Variants in SS18L1 observed in about 807,000 individuals in gnomAD.
SS18L1 encodes the protein SS18L1 subunit of BAF chromatin remodeling complex, also known as calcium-responsive transactivator.
SS18L1 carries 32 observed loss-of-function variants against 70.3 expected under a neutral mutation model. The observed-to-expected ratio is 0.46, with a 90% confidence interval of 0.34 to 0.61. SS18L1 has a LOEUF of 0.61. Ranked by LOEUF, SS18L1 falls within the 20% of genes least tolerant of loss-of-function variation. SS18L1 has a pLI of 0.01. For synonymous variants in SS18L1, 237 were observed against 229.7 expected (o/e 1.03, Z -0.29); for missense variants, 430 against 542.1 (o/e 0.79, Z 2.05).
chr20:62,179,077 T>G (rs2057669370), intron 10 of SS18L1, 105 bp from the exon 11 acceptor site: 1 of 1,258,742 alleles, frequency 7.9e-7, no homozygotes, highest in African/African-American at 1.5e-5. Context: ...CAGAGGTTGT[T>G]TGCTTGCTGT....
At chr20:62,163,769 G>A in intron 6 of SS18L1, 147 bp downstream of exon 6, 2 of 1,192,194 alleles carry the variant, frequency 1.7e-6, no homozygotes, top group South Asian at 1.6e-5. Flanking sequence ...TGTTAACATT[G>A]AGTGTGGACC....
rs6121524 is a variant in SS18L1 at position 62,168,156 on chromosome 20, G to A, written c.916+2642G>A. 2.6e-5 allele frequency among the ~76,000 whole-genome samples: 4 copies of A among 151,972 alleles called. No homozygotes were observed. The East Asian group carries it at 5.8e-4, about 22-fold the overall frequency. On this transcript the variant is annotated intron_variant, in intron 8 of 10. Coordinates refer to ENST00000331758, the MANE Select transcript of SS18L1 (RefSeq NM_198935.3). Reference sequence around the variant, plus strand: ...ACTTCCGTAGCTTGTTGTGGGTTAGGTACTCTTGCCTTCCATCATTGATGA... The same window carrying A: ...ACTTCCGTAGCTTGTTGTGGGTTAGATACTCTTGCCTTCCATCATTGATGA...
At chr20:62,155,369 C>T (rs1479196339) in intron 1 of SS18L1, among the ~76,000 whole-genome samples, 1 of 152,164 alleles carries the variant, frequency 6.6e-6, no homozygotes, top group Non-Finnish European at 1.5e-5. Context: ...GCCAAGATCA[C>T]GCCACTGCAC....
intron 7 of SS18L1, 25 bp from the exon 8 acceptor site, chr20:62,165,397 C>T: frequency 1.9e-6 from 3 of 1,601,380 alleles, no homozygotes; most frequent in Non-Finnish European, 2.6e-6. Context: ...CCTCCGCTGA[C>T]TGTCGCCGTC....
In SS18L1 at chr20:62,161,479, A is replaced by T; in HGVS notation, c.275A>T (p.Gln92Leu). 1.2e-6 allele frequency: 2 copies of T among 1,612,884 alleles called. No homozygotes were observed. Among genetic ancestry groups the T allele is most frequent in the South Asian group, 1.1e-5 (1 of 91,078 alleles). ...AACCTGGGCCCTGGAGCCCTGACTCAGAGCGGCTCCAGCCAGGGCCTGCAC... is the reference window on the plus strand; with the variant it reads ...AACCTGGGCCCTGGAGCCCTGACTCTGAGCGGCTCCAGCCAGGGCCTGCAC... ...NMNLGPGALT[Q>L]SGSSQGLHSQ... Residue 92 changes from glutamine to leucine, a missense_variant, in exon 4 of 11, where the codon CAG becomes CTG. Gln to Leu is a moderately radical substitution (Grantham distance 113, BLOSUM62 -2). Coordinates refer to ENST00000331758, the MANE Select transcript of SS18L1 (RefSeq NM_198935.3). This position sits in a 1 kb window ranked among gnomAD's most constrained non-coding sequence, Gnocchi z 4.4.
At position 62,182,123 on chromosome 20, in the gene SS18L1, G is replaced by A. The variant is rs1455302744; in HGVS notation, c.*2915G>A. The A allele has an allele frequency of 3.1e-5, 7 of 227,428 alleles. No individual in the cohort carries two copies. The highest frequency in any genetic ancestry group is 1.3e-4 in the East Asian group (2 of 15,854). The allele number at this position is 227,428 out of a possible 1,614,324, so 14.1% of individuals were successfully genotyped here. ...GATTAAGGTGGACAAGATCTCCTAAGATCTGTGAATGGGATTAAGGTGGAC... is the reference window on the plus strand; with the variant it reads ...GATTAAGGTGGACAAGATCTCCTAAAATCTGTGAATGGGATTAAGGTGGAC... On this transcript the variant is annotated 3_prime_UTR_variant, in exon 11 of 11. Coordinates refer to ENST00000331758, the MANE Select transcript of SS18L1 (RefSeq NM_198935.3).
rs112198604 is a variant in SS18L1, at chr20:62,181,233, G to C, written c.*2025G>C. ...CACTGGTAAGGGCTCAAAAATAAAC[G>C]TATGTGTTCATATTCGATCACCGAA... On this transcript the variant is annotated 3_prime_UTR_variant, in exon 11 of 11. Transcript: ENST00000331758. The C allele has an allele frequency of 1.5e-5, 3 of 203,186 alleles. No homozygotes were observed. The highest frequency in any genetic ancestry group is 6.0e-5 in the Admixed American group (1 of 16,694). 12.6% of individuals were successfully genotyped at this position (203,186 alleles called of 1,614,324 possible).
chr20:62,168,874 T>C (rs2057480240), intron 8 of SS18L1, among the ~76,000 whole-genome samples: 1 of 152,182 alleles, frequency 6.6e-6, no homozygotes. Context: ...TGGGACAGGC[T>C]GGTGCTGGAA....
At chr20:62,146,605 A>ATTCTTTTTTTTTTTTTTTTTT (rs2057031800) in intron 1 of SS18L1, among the ~76,000 whole-genome samples, 1 of 79,714 alleles carries the variant, frequency 1.3e-5, no homozygotes, top group African/African-American at 5.2e-5. Context: ...TGCTTTGATC[A>ATTCTTTTTTTTTTTTTTTTTT]TTTTTTTTTT....
At position 62,147,005 on chromosome 20, in the gene SS18L1, C is replaced by T. The variant is rs147182870; in HGVS notation, c.69+3116C>T. Among the ~76,000 whole-genome samples, 493 of 152,308 alleles carry T rather than the reference C, an allele frequency of 3.2e-3. 9 individuals are homozygous for T. Among genetic ancestry groups the T allele is most frequent in the East Asian group, 2.5e-3 (13 of 5,176 alleles). ...ATCCAGCATGACCCCGTCTTTATTT[C>T]ATTTTCAAATACCTCATTTCCAGTA... On this transcript the variant is annotated intron_variant, in intron 1 of 10. Transcript: ENST00000331758.
intron 1 of SS18L1, among the ~76,000 whole-genome samples, chr20:62,152,850 G>A (rs552668977): frequency 5.8e-4 from 89 of 152,310 alleles, no homozygotes; most frequent in Middle Eastern, 3.4e-3. Context: ...AACCTCCAGA[G>A]TGGGGGCCAC....
At position 62,164,212 on chromosome 20, in the gene SS18L1, C is replaced by T. The variant is rs200861246; in HGVS notation, c.789C>T (p.Ala263=). ...YGEQYSHSQG[A]AEPMGQQYYP... is the part of the protein sequence containing the mutation. ...AGCAGTACAGCCACAGCCAGGGCGC[C>T]GCGGAGCCCATGGGCCAGCAGTACT... The change falls in exon 7 of 11, where the codon GCC becomes GCT. Residue 263 remains alanine (A), a synonymous_variant. Coordinates refer to ENST00000331758, the MANE Select transcript of SS18L1 (RefSeq NM_198935.3). The T allele has an allele frequency of 1.8e-4, 286 of 1,549,804 alleles. 1 individual carries two copies. In the East Asian group the frequency reaches 5.7e-3, roughly 31 times the overall value.
chr20:62,172,631 C>A, intron 8 of SS18L1, 51 bp from the exon 9 acceptor site: 2 of 1,609,516 alleles, frequency 1.2e-6, no homozygotes, highest in Non-Finnish European at 1.7e-6. Context: ...CAGAATGAGC[C>A]CCCTTAGCCC....
intron 7 of SS18L1, among the ~76,000 whole-genome samples, chr20:62,165,115 C>T (rs1231328302): frequency 1.3e-5 from 2 of 152,186 alleles, no homozygotes; most frequent in South Asian, 2.1e-4. Flanking sequence ...CAGGAGCTAG[C>T]GGTGGCGGGG....
intron 1 of SS18L1, among the ~76,000 whole-genome samples, chr20:62,157,222 CT>C (rs1387174320): frequency 6.6e-6 from 1 of 152,214 alleles, no homozygotes; most frequent in African/African-American, 2.4e-5. Context: ...CCACCCACCC[CT>C]CCCCACTTCT....
chr20:62,154,442 G>T (rs529968688), intron 1 of SS18L1: 1 of 1,036,326 alleles, frequency 9.6e-7, no homozygotes, highest in Non-Finnish European at 1.2e-6. Context: ...GGATCAGACC[G>T]TAGCCCTTCC....
rs750389179 is a variant in SS18L1, at chr20:62,158,640, G to T, written c.70-32G>T. On this transcript the variant is annotated intron_variant, in intron 1 of 10. Coordinates refer to ENST00000331758, the MANE Select transcript of SS18L1 (RefSeq NM_198935.3). This position sits in a 1 kb window ranked among gnomAD's most constrained non-coding sequence, Gnocchi z 4.5. ...TCCCGAGGGTCAGCGACAGCCCCGC[G>T]TCGGCAGCGCCCGCTCACGCTCTCT... 6.2e-7 allele frequency: 1 copy of T among 1,609,014 alleles called. No individual in the cohort carries two copies.
rs901515908 is a variant in SS18L1, at chr20:62,181,972, A to G, written c.*2764A>G. 1.3e-5 allele frequency: 3 copies of G among 228,678 alleles called. No homozygotes were observed. Among genetic ancestry groups the G allele is most frequent in the Non-Finnish European group, 2.6e-5 (3 of 115,338 alleles). 14.2% of individuals were successfully genotyped at this position (228,678 alleles called of 1,614,324 possible). ...ATTTGAAAAATGATGGCCAGTTTTC[A>G]GAAGTGCTGACAAATTCATATTGGT... On this transcript the variant is annotated 3_prime_UTR_variant, in exon 11 of 11. Transcript: ENST00000331758.
chr20:62,145,681 A>G (rs2057012512), intron 1 of SS18L1, among the ~76,000 whole-genome samples: 1 of 152,260 alleles, frequency 6.6e-6, no homozygotes, highest in African/African-American at 2.4e-5. Flanking sequence ...GTCCCTGGGC[A>G]GAAACTCAGC....
Sources: allele counts gnomAD v4.1 joint callset (sites outside exome capture counted in the v4.1 genomes callset), GRCh38; gene constraint gnomAD v4.1.1; non-coding constraint Gnocchi (gnomAD v3.1); transcripts MANE v1.5; gene names NCBI Gene and HGNC (gene_info 2026-07-23, HGNC 2026-07-21).